The following PCDHGB1 variants were observed in gnomAD, a reference collection of about 807,000 sequenced individuals.
PCDHGB1 encodes protocadherin gamma-B1.
Under a neutral mutation model 56.6 loss-of-function variants are expected in PCDHGB1, and 34 were observed. The ratio of observed to expected loss-of-function variants is 0.60; its 90% CI spans 0.46 to 0.80. The LOEUF (loss-of-function observed/expected upper bound fraction) is 0.80, where lower values mean the gene tolerates loss of function less well. PCDHGB1 is among the 30% of genes least tolerant of loss of function. The probability of loss-of-function intolerance (pLI) is 0.00; values close to 1 mark genes in which losing one functional copy is unlikely to be tolerated. For missense variants in PCDHGB1, 1,278 were observed against 1,204.6 expected (o/e 1.06, Z -0.90); for synonymous variants, 561 against 505.9 (o/e 1.11, Z -1.46).
In PCDHGB1 at chr5:141,378,437, C is replaced by T. The variant is rs146402003; in HGVS notation, c.2409+25768C>T. ...ACTCGGGAGGCTGAGGCAGGAGAAT[C>T]GCTTGAACCCATGAGGCAGAGGTTG... On this transcript the variant is annotated intron_variant, in intron 1 of 3. Transcript: ENST00000523390. 592 of 152,418 alleles carry T rather than the reference C, an allele frequency of 3.9e-3. 6 individuals are homozygous for T. The highest frequency in any genetic ancestry group is 0.011 in the Admixed American group (171 of 15,310). The allele number at this position is 152,418 out of a possible 1,614,324, so 9.4% of individuals were successfully genotyped here.
intron 1 of PCDHGB1, among the ~76,000 whole-genome samples, chr5:141,451,032 A>G: frequency 6.6e-6 from 1 of 150,486 alleles, no homozygotes; most frequent in Non-Finnish European, 1.5e-5. Context: ...GTTTCACCAT[A>G]TTGGCCAGGC....
At position 141,511,140 on chromosome 5, in the gene PCDHGB1, C is replaced by G. The variant is rs1405623579; in HGVS notation, c.2751C>G (p.Asn917Lys). Residue 917 changes from asparagine (N) to lysine (K), a missense_variant, in exon 4 of 4, where the codon AAC becomes AAG. Physicochemically the swap from Asn to Lys is moderately conservative, Grantham distance 94. Transcript: ENST00000523390. ...AGGCCCCAGCAGGTGGCAATGGCAACAAGAAGAAGTCGGGCAAGAAGGAGA... is the reference window on the plus strand; with the variant it reads ...AGGCCCCAGCAGGTGGCAATGGCAAGAAGAAGAAGTCGGGCAAGAAGGAGA... Reference protein sequence around the residue: ...DGKAPAGGNGNKKKSGKKEKK With the variant: ...DGKAPAGGNGKKKKSGKKEKK 2.5e-6 allele frequency: 4 copies of G among 1,614,068 alleles called. No homozygotes were observed. Among genetic ancestry groups the G allele is most frequent in the Admixed American group, 1.7e-5 (1 of 60,008 alleles).
chr5:141,490,715 C>G lies in PCDHGB1; in HGVS notation c.2410-4092C>G, dbSNP rs757619272. The stretch of plus-strand genomic sequence containing the variant: ...GGGGATAATGCCCGCCTCACCTACT[C>G]CATTGTAGGAAATCAGGTTCAGGGA... On this transcript the variant is annotated intron_variant, in intron 1 of 3. Coordinates refer to ENST00000523390, the MANE Select transcript of PCDHGB1 (RefSeq NM_018922.3). This position sits in a 1 kb window ranked among gnomAD's most constrained non-coding sequence, Gnocchi z 5.4. 14 of 1,614,130 alleles carry G rather than the reference C, an allele frequency of 8.7e-6. No individual in the cohort carries two copies. Among genetic ancestry groups the G allele is most frequent in the Non-Finnish European group, 1.1e-5 (13 of 1,179,978 alleles).
At chr5:141,383,710 G>C (rs1388027066) in intron 1 of PCDHGB1, 1 of 1,613,992 alleles carries the variant, frequency 6.2e-7, no homozygotes. Flanking sequence ...CGACCTGGAC[G>C]AGGGAGTCAA....
At chr5:141,459,302 A>T (rs1401348885) in intron 1 of PCDHGB1, among the ~76,000 whole-genome samples, 1 of 152,210 alleles carries the variant, frequency 6.6e-6, no homozygotes, top group African/African-American at 2.4e-5. Flanking sequence ...CCTATAACAT[A>T]TACTATTTTG....
chr5:141,370,843 C>A (rs765653454), intron 1 of PCDHGB1: 1 of 1,614,052 alleles, frequency 6.2e-7, no homozygotes, highest in South Asian at 1.1e-5. Flanking sequence ...CTCACTGGAG[C>A]CACATTTGCC....
Position 141,431,682 on chromosome 5 carries a change from A to C in PCDHGB1, c.2410-63125A>C. The C allele has an allele frequency of 1.2e-6, 2 of 1,614,232 alleles. No homozygotes were observed. Among genetic ancestry groups the C allele is most frequent in the Non-Finnish European group, 1.7e-6 (2 of 1,180,042 alleles). ...ACAATATCAACAATAGGGGAGTTGG[A>C]CCACGAGGAGTCAGGATTCTACCAG... On this transcript the variant is annotated intron_variant, in intron 1 of 3. Transcript: ENST00000523390. The surrounding 1 kb of genome is among the most constrained non-coding windows in gnomAD (Gnocchi z 4.8).
intron 1 of PCDHGB1, chr5:141,419,210 G>A: frequency 6.2e-7 from 1 of 1,613,926 alleles, no homozygotes; most frequent in Non-Finnish European, 8.5e-7. Flanking sequence ...CAACGCGCCG[G>A]TTTTCGGACA....
At chr5:141,441,797 G>T in intron 1 of PCDHGB1, 1 of 386,536 alleles carries the variant, frequency 2.6e-6, no homozygotes, top group Non-Finnish European at 5.2e-6. Context: ...ACAACGCACC[G>T]CGGGTGCTGT....
chr5:141,405,351 C>T (rs2094645564), intron 1 of PCDHGB1: 1 of 1,613,962 alleles, frequency 6.2e-7, no homozygotes, highest in Non-Finnish European at 8.5e-7. Context: ...TCCAAGTTTC[C>T]TATAGAAGAC....
At chr5:141,426,004 C>T (rs573455573) in intron 1 of PCDHGB1, among the ~76,000 whole-genome samples, 10 of 152,264 alleles carry the variant, frequency 6.6e-5, no homozygotes, top group Non-Finnish European at 8.8e-5. Flanking sequence ...CAAAGGCTTC[C>T]GGCTGCAGTT....
intron 1 of PCDHGB1, among the ~76,000 whole-genome samples, chr5:141,400,911 CAAAG>C (rs1162228499): frequency 6.6e-6 from 1 of 152,176 alleles, no homozygotes; most frequent in Non-Finnish European, 1.5e-5. Flanking sequence ...TCTTTTAAAG[CAAAG>C]AAACTGCTAG....
intron 2 of PCDHGB1, among the ~76,000 whole-genome samples, chr5:141,496,189 G>A (rs1362938002): frequency 1.3e-5 from 2 of 152,004 alleles, no homozygotes; most frequent in Admixed American, 6.6e-5. Flanking sequence ...AGCCCCAGCT[G>A]CTCATTTCAA....
Position 141,454,796 on chromosome 5 carries a change from A to ATTT in PCDHGB1, c.2410-39984_2410-39982dup, listed in dbSNP as rs61612330. 3.3e-3 allele frequency among the ~76,000 whole-genome samples: 253 copies of ATTT among 77,450 alleles called. 31 individuals carry two copies. The highest frequency in any genetic ancestry group is 0.02 in the South Asian group (39 of 1,960). The allele number at this position is 77,450 out of a possible 152,430, so 50.8% of individuals were successfully genotyped here. ...AAGGAAATAATCCTCCATGGTTCTA[A>ATTT]TTTTTTTTTTTTTTTTTTTTTTTTT... On this transcript the variant is annotated intron_variant, in intron 1 of 3. Coordinates refer to ENST00000523390, the MANE Select transcript of PCDHGB1 (RefSeq NM_018922.3).
In PCDHGB1 at chr5:141,476,351, G is replaced by A; in HGVS notation, c.2410-18456G>A. The A allele has an allele frequency of 1.2e-6, 2 of 1,614,182 alleles. No individual in the cohort carries two copies. The highest frequency in any genetic ancestry group is 1.7e-6 in the Non-Finnish European group (2 of 1,180,046). ...TGGAGCTAGCCGAAGATTCTTTGAG[G>A]TGAACCGGGAGACCGGAGAGATGTT... On this transcript the variant is annotated intron_variant, in intron 1 of 3. Coordinates refer to ENST00000523390, the MANE Select transcript of PCDHGB1 (RefSeq NM_018922.3). This position sits in a 1 kb window ranked among gnomAD's most constrained non-coding sequence, Gnocchi z 7.6.
chr5:141,442,135 G>C lies in PCDHGB1; in HGVS notation c.2410-52672G>C, dbSNP rs868124128. 8 of 164,066 alleles carry C rather than the reference G, an allele frequency of 4.9e-5. 1 individual carries two copies. The highest frequency in any genetic ancestry group is 2.8e-4 in the South Asian group (2 of 7,026). 10.2% of individuals were successfully genotyped at this position (164,066 alleles called of 1,614,324 possible). On this transcript the variant is annotated intron_variant, in intron 1 of 3. Transcript: ENST00000523390. ...CCCTCGTCGCCGACAGCCTGCAGGA[G>C]ACTCTGCCAGACCTCAGCGATCACT...
chr5:141,482,546 A>G (rs1489817593), intron 1 of PCDHGB1, among the ~76,000 whole-genome samples: 1 of 151,868 alleles, frequency 6.6e-6, no homozygotes, highest in Non-Finnish European at 1.5e-5. Context: ...AAAAAAAAAA[A>G]AAAGATAATG....
intron 1 of PCDHGB1, chr5:141,403,092 A>G (rs764199669): frequency 6.2e-7 from 1 of 1,614,086 alleles, no homozygotes; most frequent in East Asian, 2.2e-5. Flanking sequence ...ATTGTGGGCA[A>G]CATCTCCAAG....
At chr5:141,501,288 TATACAC>T (rs201660636) in intron 2 of PCDHGB1, among the ~76,000 whole-genome samples, 3 of 81,324 alleles carry the variant, frequency 3.7e-5, no homozygotes, top group African/African-American at 1.5e-4. Flanking sequence ...GATATTCCCT[TATACAC>T]ACACACACAC....
Sources: gnomAD v4.1 joint callset for allele counts (sites outside exome capture counted in the v4.1 genomes callset) on GRCh38, gnomAD v4.1.1 for gene constraint, Gnocchi (gnomAD v3.1) non-coding constraint, MANE v1.5 for transcripts, NCBI Gene and HGNC (gene_info 2026-07-23, HGNC 2026-07-21) for gene names.